JRK: variants seen among roughly 807,000 people sequenced by gnomAD.
JRK encodes Jrk helix-turn-helix protein.
For missense variants in JRK, 720 were observed against 509.2 expected (o/e 1.41, Z -3.98); for synonymous variants, 303 against 218.1 (o/e 1.39, Z -3.43).
chr8:142,651,673 C>T, the JRK span, among the ~76,000 whole-genome samples: 3 of 151,238 alleles, frequency 2.0e-5, no homozygotes, highest in African/African-American at 4.9e-5. Context: ...ACTGAAACAA[C>T]AAAAACAGAA....
rs113525888 is a variant in JRK at position 142,661,039 on chromosome 8, G to C, written c.*3313C>G. The C allele has an allele frequency of 1.2e-4, 120 of 985,376 alleles. No individual in the cohort carries two copies. The African/African-American group carries it at 1.8e-3, about 15-fold the overall frequency. The allele number at this position is 985,376 out of a possible 1,614,324, so 61.0% of individuals were successfully genotyped here. A position where few individuals can be genotyped will look rare whatever the true frequency, so the allele number is the denominator to read the frequency against. On this transcript the variant is annotated 3_prime_UTR_variant, in exon 2 of 2. Transcript: ENST00000612905. ...ATCAATCACTTGGCCCACTGGATAAGAACAGTGGCCTGCGACGTCAGGGGC... is the reference window on the plus strand; with the variant it reads ...ATCAATCACTTGGCCCACTGGATAACAACAGTGGCCTGCGACGTCAGGGGC...
Position 142,660,152 on chromosome 8 carries a change from A to T in JRK, c.*4200T>A, listed in dbSNP as rs1846871566. ...AAGGTCTCACAGGTCCATTCTCCCC[A>T]GCCTCCCAGTAGGCAGCTGAGTCCA... On this transcript the variant is annotated 3_prime_UTR_variant, in exon 2 of 2. Transcript: ENST00000612905. The T allele has an allele frequency of 2.0e-6, 2 of 985,434 alleles. No individual in the cohort carries two copies. 61.0% of individuals were successfully genotyped at this position (985,434 alleles called of 1,614,324 possible). A position where few individuals can be genotyped will look rare whatever the true frequency, so the allele number is the denominator to read the frequency against.
intron 1 of JRK, among the ~76,000 whole-genome samples, chr8:142,669,505 G>T (rs1457076498): frequency 6.6e-6 from 1 of 152,144 alleles, no homozygotes; most frequent in African/African-American, 2.4e-5. Flanking sequence ...TTCAGTCTGG[G>T]ACAAGAACAA....
the JRK span, among the ~76,000 whole-genome samples, chr8:142,652,407 T>C: frequency 6.6e-6 from 1 of 152,194 alleles, no homozygotes; most frequent in Non-Finnish European, 1.5e-5. Flanking sequence ...ATATGTAAGA[T>C]AAACATTGGC....
In JRK at chr8:142,665,193, G is replaced by T. The variant is rs200453485; in HGVS notation, c.866C>A (p.Pro289Gln). ...CAAGAGAACGGCTTTGCTGTCTTCC[G>T]GCAAACCTATGGTTCTGAAGTGCTC... ...VREHFRTIGL[P>Q]EDSKAVLLLD... Residue 289 changes from proline to glutamine, a missense_variant, in exon 2 of 2, where the codon CCG (proline) becomes CAG (glutamine). Pro to Gln is a moderately conservative substitution (Grantham distance 76). Transcript: ENST00000612905. The T allele has an allele frequency of 1.3e-5, 9 of 717,850 alleles. No individual in the cohort carries two copies. The highest frequency in any genetic ancestry group is 2.3e-5 in the Non-Finnish European group (9 of 385,094). The allele number at this position is 717,850 out of a possible 1,614,324, so 44.5% of individuals were successfully genotyped here. A position where few individuals can be genotyped will look rare whatever the true frequency, so the allele number is the denominator to read the frequency against.
At chr8:142,655,145 G>A (rs1049290329), downstream of JRK, among the ~76,000 whole-genome samples, 2 of 152,200 alleles carry the variant, frequency 1.3e-5, no homozygotes, top group African/African-American at 4.8e-5. Context: ...AGTAGTGCCA[G>A]TTCTCCTTCC....
Position 142,662,562 on chromosome 8 carries a change from G to C in JRK, c.*1790C>G, listed in dbSNP as rs1846948982. 5 of 985,388 alleles carry C rather than the reference G, an allele frequency of 5.1e-6. No individual in the cohort carries two copies. The highest frequency in any genetic ancestry group is 6.0e-6 in the Non-Finnish European group (5 of 829,936). The allele number at this position is 985,388 out of a possible 1,614,324, so 61.0% of individuals were successfully genotyped here. ...AAATGGGAACTGGGACTGTCGTTCAGCACCGAGATCTTTAAAAACTATTTG... is the reference window on the plus strand; with the variant it reads ...AAATGGGAACTGGGACTGTCGTTCACCACCGAGATCTTTAAAAACTATTTG... On this transcript the variant is annotated 3_prime_UTR_variant, in exon 2 of 2. Coordinates refer to ENST00000612905, the MANE Select transcript of JRK (RefSeq NM_003724.4).
the JRK span, among the ~76,000 whole-genome samples, chr8:142,651,697 C>G: frequency 0.043 from 6,557 of 152,152 alleles, 148 homozygotes; most frequent in Non-Finnish European, 0.053. Context: ...AACAACAAAA[C>G]AACAAAGAGC....
chr8:142,650,325 A>G, the JRK span, among the ~76,000 whole-genome samples: 3 of 152,212 alleles, frequency 2.0e-5, no homozygotes, highest in Non-Finnish European at 2.9e-5. Flanking sequence ...GAAGTGAGTT[A>G]AGACTCTGGG....
At chr8:142,643,911 C>A in the JRK span, among the ~76,000 whole-genome samples, 3 of 152,140 alleles carry the variant, frequency 2.0e-5, no homozygotes, top group African/African-American at 7.2e-5. Context: ...AAATTTTGTT[C>A]ATAGGAATAT....
At chr8:142,646,255 T>G in the JRK span, among the ~76,000 whole-genome samples, 1 of 152,250 alleles carries the variant, frequency 6.6e-6, no homozygotes, top group African/African-American at 2.4e-5. Flanking sequence ...GACTCCATCT[T>G]GCCTTGAACC....
intron 1 of JRK, among the ~76,000 whole-genome samples, chr8:142,667,610 G>A (rs145569688): frequency 1.3e-5 from 2 of 152,314 alleles, no homozygotes; most frequent in East Asian, 3.9e-4. Context: ...GCAAATGCCA[G>A]GAAACCTGAT....
In JRK at chr8:142,660,575, T is replaced by C. The variant is rs781803489; in HGVS notation, c.*3777A>G. 58 of 719,448 alleles carry C rather than the reference T, an allele frequency of 8.1e-5. No homozygotes were observed. The highest frequency in any genetic ancestry group is 9.5e-5 in the Non-Finnish European group (56 of 588,794). 44.6% of individuals were successfully genotyped at this position (719,448 alleles called of 1,614,324 possible). On this transcript the variant is annotated 3_prime_UTR_variant, in exon 2 of 2. Coordinates refer to ENST00000612905, the MANE Select transcript of JRK (RefSeq NM_003724.4). ...CCACCACACCTGGCTCATTTTCTTTTACTTTCTGTAGAGATGGGGTCTCCC... is the reference window on the plus strand; with the variant it reads ...CCACCACACCTGGCTCATTTTCTTTCACTTTCTGTAGAGATGGGGTCTCCC...
intron 1 of JRK, among the ~76,000 whole-genome samples, chr8:142,667,625 C>T (rs1847173117): frequency 6.6e-6 from 1 of 152,152 alleles, no homozygotes; most frequent in Admixed American, 6.5e-5. Flanking sequence ...CCTGATAGCC[C>T]CCTGGGAGCA....
the JRK span, among the ~76,000 whole-genome samples, chr8:142,647,672 T>A: frequency 1.3e-5 from 2 of 152,222 alleles, no homozygotes; most frequent in Non-Finnish European, 2.9e-5. Flanking sequence ...TTCTTCCATT[T>A]ATAAATTGCC....
In JRK at chr8:142,660,852, C is replaced by T. The variant is rs988832084; in HGVS notation, c.*3500G>A. The T allele has an allele frequency of 1.0e-6, 1 of 985,672 alleles. No individual in the cohort carries two copies. The highest frequency in any genetic ancestry group is 1.2e-6 in the Non-Finnish European group (1 of 830,128). The allele number at this position is 985,672 out of a possible 1,614,324, so 61.1% of individuals were successfully genotyped here. ...ACCTTCTGCAAACCCCTGCCTCAAA[C>T]CGTGTCCCTCCACAAGCACATCCAG... On this transcript the variant is annotated 3_prime_UTR_variant, in exon 2 of 2. Coordinates refer to ENST00000612905, the MANE Select transcript of JRK (RefSeq NM_003724.4).
At chr8:142,649,436 G>A in the JRK span, among the ~76,000 whole-genome samples, 1,219 of 152,282 alleles carry the variant, frequency 8.0e-3, 20 homozygotes, top group African/African-American at 0.028. Flanking sequence ...CACAAGACCT[G>A]ATGGTTTTTT....
the JRK span, among the ~76,000 whole-genome samples, chr8:142,645,024 TA>T: frequency 2.5e-4 from 38 of 152,326 alleles, no homozygotes; most frequent in South Asian, 7.9e-3. Flanking sequence ...TCAGCCCTTA[TA>T]ATCTCACACA....
At chr8:142,649,964 C>T in the JRK span, among the ~76,000 whole-genome samples, 1 of 152,262 alleles carries the variant, frequency 6.6e-6, no homozygotes, top group African/African-American at 2.4e-5. Flanking sequence ...TCTGTGAAAG[C>T]AGCCAGGAGG....
Sources: allele counts gnomAD v4.1 joint callset (sites outside exome capture counted in the v4.1 genomes callset), GRCh38; gene constraint gnomAD v4.1.1; transcripts MANE v1.5; gene names NCBI Gene and HGNC (gene_info 2026-07-23, HGNC 2026-07-21).